Variants in PPP1R13L observed in about 807,000 individuals in gnomAD.
The protein encoded by PPP1R13L is protein phosphatase 1 regulatory subunit 13 like.
In PPP1R13L, 50 loss-of-function variants were observed where a neutral mutation model predicts 80.9. That is an observed-to-expected ratio of 0.62 (90% CI 0.49 to 0.78). The LOEUF is 0.78. PPP1R13L is among the 30% of genes least tolerant of loss of function. PPP1R13L has a pLI of 0.00. For missense variants in PPP1R13L, 1,200 were observed against 1,205.9 expected (o/e 1.00, Z 0.07); for synonymous variants, 602 against 534.3 (o/e 1.13, Z -1.75).
rs149422479 is a variant in PPP1R13L at position 45,391,889 on chromosome 19, C to G, written c.1806G>C (p.Pro602=). Residue 602 remains proline, a synonymous_variant, in exon 8 of 13, where the codon CCG becomes CCC. Coordinates refer to ENST00000360957, the MANE Select transcript of PPP1R13L (RefSeq NM_006663.4). The stretch of plus-strand genomic sequence containing the variant: ...CTCCTGTATTACTTACCATGCTCTG[C>G]GGCTGCTCTGGTGGGCTGCTCTGGG... ...APSQSSPPEQ[P]QSMEMRSVLR... 6.8e-7 allele frequency: 1 copy of G among 1,480,040 alleles called. No individual in the cohort carries two copies. The highest frequency in any genetic ancestry group is 8.9e-7 in the Non-Finnish European group (1 of 1,119,738). 91.7% of individuals were successfully genotyped at this position (1,480,040 alleles called of 1,614,324 possible).
intron 1 of PPP1R13L, among the ~76,000 whole-genome samples, chr19:45,404,572 C>A (rs1973292680): frequency 6.6e-6 from 1 of 152,174 alleles, no homozygotes; most frequent in Non-Finnish European, 1.5e-5. Context: ...ACCCTTAATT[C>A]TGCTCAGAGA....
At position 45,395,813 on chromosome 19, in the gene PPP1R13L, G is replaced by T; in HGVS notation, c.977C>A (p.Ala326Glu). ...GCCCAGCGAGCGCCGGTAGCTGCCC[G>T]CGTCTGAACGCCGGTCGCTGGCCAG... is the stretch of plus-strand genomic sequence containing the variant. Reference protein sequence around the residue: ...SPLASDRRSDAGSYRRSLGSA... With the variant: ...SPLASDRRSDEGSYRRSLGSA... Residue 326 changes from alanine (A) to glutamate (E), a missense_variant, in exon 7 of 13, where the codon GCG becomes GAG. Coordinates refer to ENST00000360957, the MANE Select transcript of PPP1R13L (RefSeq NM_006663.4). The T allele has an allele frequency of 6.3e-7, 1 of 1,590,114 alleles. No homozygotes were observed.
intron 8 of PPP1R13L, 71 bp from the exon 9 acceptor site, chr19:45,386,251 C>CA (rs1972867556): frequency 7.0e-7 from 1 of 1,425,458 alleles, no homozygotes; most frequent in African/African-American, 1.5e-5. Context: ...GAGTAGGAAA[C>CA]AGAGGTCCAG....
intron 11 of PPP1R13L, among the ~76,000 whole-genome samples, chr19:45,384,366 C>CAAAA (rs770216477): frequency 0.36 from 32,161 of 90,220 alleles, 4,957 homozygotes; most frequent in Middle Eastern, 0.43. Context: ...ACTAAAAATA[C>CAAAA]AAAAAAAAAA....
chr19:45,384,349 C>T (rs1200920427), intron 11 of PPP1R13L, among the ~76,000 whole-genome samples: 79 of 134,246 alleles, frequency 5.9e-4, no homozygotes, highest in Admixed American at 8.7e-4. Context: ...GGCAAAACCC[C>T]GTCTCTACTA....
chr19:45,390,733 G>A (rs755649858), intron 8 of PPP1R13L, among the ~76,000 whole-genome samples: 5 of 152,074 alleles, frequency 3.3e-5, no homozygotes, highest in Non-Finnish European at 5.9e-5. Context: ...ACAGGCACGC[G>A]CCACCGCTCC....
chr19:45,386,274 C>T (rs557491280), intron 8 of PPP1R13L, 94 bp from the exon 9 acceptor site: 4 of 1,383,514 alleles, frequency 2.9e-6, no homozygotes, highest in African/African-American at 3.0e-5. Flanking sequence ...ACTTGTGGCA[C>T]CCATCTAGAC....
At chr19:45,386,013 C>G (rs1379371465) in intron 9 of PPP1R13L, 36 bp downstream of exon 9, 1 of 1,564,290 alleles carries the variant, frequency 6.4e-7, no homozygotes, top group East Asian at 2.4e-5. Context: ...TCTGCGATGC[C>G]CCCGCCGTGC....
chr19:45,393,634 G>A (rs1423072915), intron 7 of PPP1R13L, among the ~76,000 whole-genome samples: 2 of 151,984 alleles, frequency 1.3e-5, no homozygotes, highest in East Asian at 3.9e-4. Flanking sequence ...CAGCACTTTG[G>A]GAGGCCGAGG....
intron 7 of PPP1R13L, chr19:45,394,644 T>C (rs1307084413): frequency 6.7e-6 from 1 of 149,128 alleles, no homozygotes; most frequent in African/African-American, 2.5e-5. Context: ...TTTTTTTTTT[T>C]TTTTTTTTGA....
chr19:45,398,585 C>CTTTTTTT (rs113649282), intron 1 of PPP1R13L, among the ~76,000 whole-genome samples: 6 of 136,524 alleles, frequency 4.4e-5, no homozygotes, highest in African/African-American at 1.1e-4. Flanking sequence ...TTTTTCTTTT[C>CTTTTTTT]TTTTTTTTTT....
intron 1 of PPP1R13L, among the ~76,000 whole-genome samples, chr19:45,401,218 G>A (rs571274810): frequency 6.1e-4 from 93 of 151,834 alleles, no homozygotes; most frequent in African/African-American, 2.2e-3. Context: ...AGCTGGGCGT[G>A]GTGGCGGGCG....
In PPP1R13L at chr19:45,395,852, T is replaced by C. The variant is rs1296286915; in HGVS notation, c.938A>G (p.Tyr313Cys). Residue 313 changes from tyrosine to cysteine, a missense_variant, in exon 7 of 13, where the codon TAC (tyrosine) becomes TGC (cysteine). By Grantham distance (194) the Tyr-to-Cys change is radical. Transcript: ENST00000360957. ...NLTSATLPRN[Y>C]KVSPLASDRR... is the part of the protein sequence containing the mutation. ...GTCGCTGGCCAGAGGAGAGACCTTG[T>C]AATTGCGCGGCAGGGTGGCGCTAGT... The C allele has an allele frequency of 6.3e-7, 1 of 1,597,022 alleles. No homozygotes were observed. Among genetic ancestry groups the C allele is most frequent in the South Asian group, 1.1e-5 (1 of 88,502 alleles).
chr19:45,380,003 A>T lies in PPP1R13L; in HGVS notation c.*187T>A, dbSNP rs1254185220. On this transcript the variant is annotated 3_prime_UTR_variant, in exon 13 of 13. Transcript: ENST00000360957. ...CCCAGACCTCCCAAGGCTAAGGCAGATTACTAAATTTAAGGCTGGGGCCCT... is the reference window on the plus strand; with the variant it reads ...CCCAGACCTCCCAAGGCTAAGGCAGTTTACTAAATTTAAGGCTGGGGCCCT... 6.2e-6 allele frequency: 4 copies of T among 641,800 alleles called. No individual in the cohort carries two copies. The highest frequency in any genetic ancestry group is 1.1e-5 in the Non-Finnish European group (4 of 372,702). The allele number at this position is 641,800 out of a possible 1,614,324, so 39.8% of individuals were successfully genotyped here. A position where few individuals can be genotyped will look rare whatever the true frequency, so the allele number is the denominator to read the frequency against.
intron 8 of PPP1R13L, among the ~76,000 whole-genome samples, chr19:45,389,803 T>C (rs1972934470): frequency 4.6e-5 from 7 of 152,062 alleles, no homozygotes; most frequent in Admixed American, 4.6e-4. Context: ...ATTTTTATTT[T>C]TATTTTTTTT....
intron 3 of PPP1R13L, among the ~76,000 whole-genome samples, chr19:45,397,299 C>T (rs1376663822): frequency 1.3e-5 from 2 of 152,014 alleles, no homozygotes; most frequent in Non-Finnish European, 2.9e-5. Flanking sequence ...CACCTCTTTC[C>T]TTCTGAGGGT....
intron 1 of PPP1R13L, among the ~76,000 whole-genome samples, chr19:45,403,741 G>T (rs988181377): frequency 2.0e-5 from 3 of 152,052 alleles, no homozygotes; most frequent in Admixed American, 6.6e-5. Context: ...TTCATTTCAG[G>T]TTATCATCAA....
Position 45,385,592 on chromosome 19 carries a change from C to G in PPP1R13L, c.2218G>C (p.Gly740Arg). ...AGGTAGGTGGCGCAGTCAGCATAACCCTCGCGGTAAGGGTCGCACTTCTCG... is the reference window on the plus strand; with the variant it reads ...AGGTAGGTGGCGCAGTCAGCATAACGCTCGCGGTAAGGGTCGCACTTCTCG... ...AFEKCDPYREGYADCATYLAD... is the reference protein window; with the variant it reads ...AFEKCDPYRERYADCATYLAD... Residue 740 changes from glycine to arginine, a missense_variant, in exon 11 of 13, where the codon GGT (glycine) becomes CGT (arginine). Physicochemically the swap from Gly to Arg is moderately radical, Grantham distance 125. Transcript: ENST00000360957. 1 of 1,613,056 alleles carries G rather than the reference C, an allele frequency of 6.2e-7. No individual in the cohort carries two copies. The highest frequency in any genetic ancestry group is 1.1e-5 in the South Asian group (1 of 91,046).
chr19:45,398,944 C>T (rs1973172806), intron 1 of PPP1R13L, among the ~76,000 whole-genome samples: 1 of 151,012 alleles, frequency 6.6e-6, no homozygotes. Context: ...GTGCTAGATC[C>T]TGTTTTTGTT....
Sources: gnomAD v4.1 joint callset for allele counts (sites outside exome capture counted in the v4.1 genomes callset) on GRCh38, gnomAD v4.1.1 for gene constraint, MANE v1.5 for transcripts, NCBI Gene and HGNC (gene_info 2026-07-23, HGNC 2026-07-21) for gene names.